Variants in CNTNAP4 observed in about 807,000 individuals in gnomAD.
CNTNAP4 encodes contactin associated protein family member 4.
In CNTNAP4, 98 loss-of-function variants were observed where a neutral mutation model predicts 148.4. The ratio of observed to expected loss-of-function variants is 0.66; its 90% CI spans 0.56 to 0.78. The LOEUF is 0.78. Ranked by LOEUF, CNTNAP4 falls within the 30% of genes least tolerant of loss-of-function variation. CNTNAP4 has a pLI of 0.00. For missense variants in CNTNAP4, 1,935 were observed against 1,565.6 expected, an observed-to-expected ratio of 1.24 and a Z score of -3.98; for synonymous variants, 730 against 565.1, an observed-to-expected ratio of 1.29 and a Z score of -4.14.
chr16:76,343,976 C>A (rs1168202455), intron 2 of CNTNAP4, among the ~76,000 whole-genome samples: 1 of 152,094 alleles, frequency 6.6e-6, no homozygotes, highest in Non-Finnish European at 1.5e-5. Flanking sequence ...AGCCAGGGTG[C>A]ACGGATGTTA....
intron 2 of CNTNAP4, among the ~76,000 whole-genome samples, chr16:76,322,082 A>G (rs1236040115): frequency 6.6e-6 from 1 of 152,130 alleles, no homozygotes; most frequent in East Asian, 1.9e-4. Context: ...ACATGCCAGC[A>G]ATTTATTTGC....
chr16:76,353,638 C>T (rs944066930), intron 2 of CNTNAP4, among the ~76,000 whole-genome samples: 7 of 152,048 alleles, frequency 4.6e-5, no homozygotes, highest in African/African-American at 1.4e-4. Context: ...GCCCACCAAG[C>T]CTAGCTAGCT....
chr16:76,440,455 C>T (rs2079989736), intron 4 of CNTNAP4, among the ~76,000 whole-genome samples: 1 of 152,144 alleles, frequency 6.6e-6, no homozygotes. Flanking sequence ...AGGGACAAAT[C>T]TCTACCACCT....
At chr16:76,381,781 C>T (rs772173173) in intron 3 of CNTNAP4, among the ~76,000 whole-genome samples, 5 of 152,070 alleles carry the variant, frequency 3.3e-5, no homozygotes, top group Non-Finnish European at 5.9e-5. Flanking sequence ...AAGTTACCTG[C>T]CGGGTGCGGT....
intron 4 of CNTNAP4, among the ~76,000 whole-genome samples, chr16:76,445,943 C>A (rs577707853): frequency 1.9e-4 from 29 of 152,218 alleles, no homozygotes; most frequent in Non-Finnish European, 3.8e-4. Flanking sequence ...TTGTATTTGA[C>A]ACAGTTGTAT....
At chr16:76,343,993 G>A (rs1438652237) in intron 2 of CNTNAP4, among the ~76,000 whole-genome samples, 1 of 152,280 alleles carries the variant, frequency 6.6e-6, no homozygotes, top group Non-Finnish European at 1.5e-5. Context: ...GTTACAGGAA[G>A]CAATTCATTG....
intron 15 of CNTNAP4, among the ~76,000 whole-genome samples, chr16:76,519,405 A>C (rs1034901878): frequency 2.6e-5 from 4 of 152,180 alleles, no homozygotes; most frequent in Non-Finnish European, 5.9e-5. Flanking sequence ...GTTATGATAT[A>C]ATATGAAAAA....
At chr16:76,496,468 T>C (rs930676396) in intron 14 of CNTNAP4, among the ~76,000 whole-genome samples, 5 of 152,126 alleles carry the variant, frequency 3.3e-5, no homozygotes, top group African/African-American at 1.2e-4. Flanking sequence ...TCTCAGATAA[T>C]TGTTGTAAAT....
At chr16:76,550,790 A>G (rs2084924643) in intron 21 of CNTNAP4, among the ~76,000 whole-genome samples, 1 of 152,126 alleles carries the variant, frequency 6.6e-6, no homozygotes, top group African/African-American at 2.4e-5. Context: ...CTTTGGTTCC[A>G]TACACATTGA....
chr16:76,456,781 G>A (rs1359231259), intron 8 of CNTNAP4, among the ~76,000 whole-genome samples: 1 of 152,132 alleles, frequency 6.6e-6, no homozygotes, highest in Non-Finnish European at 1.5e-5. Flanking sequence ...ATAAAGTAAG[G>A]CAGACACCTG....
chr16:76,513,140 C>T (rs933979377), intron 15 of CNTNAP4, among the ~76,000 whole-genome samples: 6 of 152,126 alleles, frequency 3.9e-5, no homozygotes, highest in Non-Finnish European at 7.4e-5. Flanking sequence ...AAATAAATCC[C>T]TGCATTGTGG....
rs138998850 is a variant in CNTNAP4, at chr16:76,370,779, T to C, written c.390+15268T>C. Among the ~76,000 whole-genome samples, 584 of 152,322 alleles carry C rather than the reference T, an allele frequency of 3.8e-3. 3 individuals are homozygous for C. The highest frequency in any genetic ancestry group is 0.013 in the African/African-American group (551 of 41,572). On this transcript the variant is annotated intron_variant, in intron 3 of 23. Transcript: ENST00000611870. ...CAAGTACTTACTGAGTGATTCCTCATTCCCTTTCAGTTTTGAAATTGCATG... is the reference window on the plus strand; with the variant it reads ...CAAGTACTTACTGAGTGATTCCTCACTCCCTTTCAGTTTTGAAATTGCATG...
At chr16:76,494,797 T>C (rs545914190) in intron 13 of CNTNAP4, 113 bp from the exon 14 acceptor site, 92 of 1,127,904 alleles carry the variant, frequency 8.2e-5, no homozygotes, top group Non-Finnish European at 1.1e-4. Flanking sequence ...AATCAATCTT[T>C]CTCCTTTTCT....
chr16:76,373,545 G>C (rs1319815956), intron 3 of CNTNAP4, among the ~76,000 whole-genome samples: 2 of 152,090 alleles, frequency 1.3e-5, no homozygotes, highest in Non-Finnish European at 2.9e-5. Flanking sequence ...CATGGTTTTA[G>C]GAAAAGATTC....
At chr16:76,378,570 A>G (rs1460927047) in intron 3 of CNTNAP4, among the ~76,000 whole-genome samples, 1 of 152,186 alleles carries the variant, frequency 6.6e-6, no homozygotes, top group South Asian at 2.1e-4. Context: ...GGGTTTAGAA[A>G]TGGACAGACA....
At chr16:76,541,541 A>T (rs551553816) in intron 21 of CNTNAP4, among the ~76,000 whole-genome samples, 1 of 152,104 alleles carries the variant, frequency 6.6e-6, no homozygotes, top group African/African-American at 2.4e-5. Context: ...TTTTATTCCT[A>T]CTCTGGTATT....
rs145936503 is a variant in CNTNAP4 at position 76,504,659 on chromosome 16, C to T, written c.2365+5965C>T. The stretch of plus-strand genomic sequence containing the variant: ...GCTTCTGCCTTTAAAATGACACTGT[C>T]GAGAAATTGAAAAGAAAAGCTACAG... On this transcript the variant is annotated intron_variant, in intron 15 of 23. Transcript: ENST00000611870. Among the ~76,000 whole-genome samples the T allele has an allele frequency of 1.6e-3, 244 of 151,982 alleles. 1 individual carries two copies. Among genetic ancestry groups the T allele is most frequent in the East Asian group, 6.6e-3 (34 of 5,174 alleles).
chr16:76,287,358 C>G (rs542437110), intron 1 of CNTNAP4, among the ~76,000 whole-genome samples: 2 of 152,256 alleles, frequency 1.3e-5, no homozygotes, highest in African/African-American at 4.8e-5. Flanking sequence ...ATTTGCTACG[C>G]TTAACACGCA....
At chr16:76,412,096 T>A (rs945709180) in intron 3 of CNTNAP4, among the ~76,000 whole-genome samples, 8 of 151,464 alleles carry the variant, frequency 5.3e-5, no homozygotes, top group African/African-American at 1.9e-4. Flanking sequence ...ACATCATGCT[T>A]ATGAAAAACA....
Sources: allele counts gnomAD v4.1 joint callset (sites outside exome capture counted in the v4.1 genomes callset), GRCh38; gene constraint gnomAD v4.1.1; transcripts MANE v1.5; gene names NCBI Gene and HGNC (gene_info 2026-07-23, HGNC 2026-07-21).